BRWD1: variants seen among roughly 807,000 people sequenced by gnomAD.
The protein encoded by BRWD1 is bromodomain and WD repeat-containing protein 1.
BRWD1 carries 82 observed loss-of-function variants against 251.2 expected under a neutral mutation model. That is an observed-to-expected ratio of 0.33 (90% CI 0.27 to 0.39). The LOEUF (loss-of-function observed/expected upper bound fraction) is 0.39, where lower values mean the gene tolerates loss of function less well. Ranked by LOEUF, BRWD1 falls within the 10% of genes least tolerant of loss-of-function variation. The pLI is 1.00. For synonymous variants in BRWD1, 918 were observed against 902.8 expected (o/e 1.02, Z -0.30); for missense variants, 2,233 against 2,711.6 (o/e 0.82, Z 3.92).
At chr21:39,207,660 C>G (rs977924414) in intron 36 of BRWD1, among the ~76,000 whole-genome samples, 1 of 152,014 alleles carries the variant, frequency 6.6e-6, no homozygotes, top group East Asian at 1.9e-4. Context: ...AGGTCTATAC[C>G]CAAGGGAATT....
chr21:39,314,232 G>T (rs899566053), upstream of BRWD1: 3 of 455,508 alleles, frequency 6.6e-6, no homozygotes, highest in Non-Finnish European at 1.3e-5. Context: ...CCTGGGGCGG[G>T]GGCCTCGTAT....
chr21:39,185,315 A>AAAAAAAAAAAAC, downstream of BRWD1: 1 of 150,146 alleles, frequency 6.7e-6, no homozygotes, highest in Non-Finnish European at 1.5e-5. Flanking sequence ...AAAAAAAAAA[A>AAAAAAAAAAAAC]AAAAAAACTT....
At chr21:39,271,601 G>A (rs1471223877) in intron 13 of BRWD1, among the ~76,000 whole-genome samples, 1 of 149,186 alleles carries the variant, frequency 6.7e-6, no homozygotes, top group Non-Finnish European at 1.5e-5. Flanking sequence ...GGAGGCTGAG[G>A]TGGGAGGATA....
chr21:39,314,302 A>G (rs778299463), upstream of BRWD1: 14 of 455,762 alleles, frequency 3.1e-5, no homozygotes, highest in Admixed American at 7.1e-5. Flanking sequence ...CACATCCCCC[A>G]CAAGCCAGCA....
intron 13 of BRWD1, among the ~76,000 whole-genome samples, chr21:39,272,968 C>T (rs922630984): frequency 6.6e-5 from 10 of 152,100 alleles, no homozygotes; most frequent in African/African-American, 1.4e-4. Flanking sequence ...CAAGTTGATT[C>T]GCCAATATTA....
At chr21:39,249,025 C>A (rs2034302766) in intron 20 of BRWD1, among the ~76,000 whole-genome samples, 1 of 151,406 alleles carries the variant, frequency 6.6e-6, no homozygotes, top group East Asian at 1.9e-4. Flanking sequence ...TGGAATACTA[C>A]CCAGCCATAA....
chr21:39,211,736 ATAAAAT>A (rs1349088031), intron 34 of BRWD1, among the ~76,000 whole-genome samples: 3 of 152,234 alleles, frequency 2.0e-5, no homozygotes, highest in South Asian at 2.1e-4. Context: ...GAGTCTAGAA[ATAAAAT>A]TAAACGAAAA....
chr21:39,259,484 G>A (rs1032479534), intron 17 of BRWD1, among the ~76,000 whole-genome samples: 1 of 151,864 alleles, frequency 6.6e-6, no homozygotes, highest in Non-Finnish European at 1.5e-5. Flanking sequence ...TTTTTCAGTA[G>A]AGACAGGGTT....
At position 39,189,197 on chromosome 21, in the gene BRWD1, A is replaced by G. The variant is rs906404355; in HGVS notation, c.*7062T>C. 1.0e-6 allele frequency: 1 copy of G among 985,280 alleles called. No homozygotes were observed. Among genetic ancestry groups the G allele is most frequent in the African/African-American group, 1.7e-5 (1 of 57,372 alleles). 61.0% of individuals were successfully genotyped at this position (985,280 alleles called of 1,614,324 possible). ...AATTAAGGTGAAATTTGCACTTTAT[A>G]GTAGGATGAGAATATACTATTATCA... is the stretch of plus-strand genomic sequence containing the variant. On this transcript the variant is annotated 3_prime_UTR_variant, in exon 41 of 41. Transcript: ENST00000342449.
chr21:39,246,366 C>G (rs779984322), intron 21 of BRWD1, among the ~76,000 whole-genome samples: 9 of 152,154 alleles, frequency 5.9e-5, no homozygotes, highest in Non-Finnish European at 1.3e-4. Context: ...TAATAACAAT[C>G]ATTGGTGAGG....
rs1022187015 is a variant in BRWD1 at position 39,258,500 on chromosome 21, T to G, written c.2058A>C (p.Glu686Asp). Residue 686 changes from glutamate (E) to aspartate (D), a missense_variant, in exon 18 of 41, where the codon GAA becomes GAC. Coordinates refer to ENST00000342449, the MANE Select transcript of BRWD1 (RefSeq NM_033656.4). ...ACTATTTATTACCTCTCCGGGGTGT[T>G]TCTTCACCATTTGAAAGTCCTCTTG... ...TIPRGLSNGE[E>D]TPRRGFRRLS... 1.9e-6 allele frequency: 3 copies of G among 1,598,882 alleles called. No homozygotes were observed. The highest frequency in any genetic ancestry group is 2.6e-6 in the Non-Finnish European group (3 of 1,173,024).
At chr21:39,290,181 T>C (rs1601472540) in intron 8 of BRWD1, among the ~76,000 whole-genome samples, 1 of 152,132 alleles carries the variant, frequency 6.6e-6, no homozygotes, top group East Asian at 1.9e-4. Flanking sequence ...TCAGTTGTGT[T>C]CAGATGCTGT....
chr21:39,316,081 A>G (rs1175547102), upstream of BRWD1, among the ~76,000 whole-genome samples: 3 of 152,234 alleles, frequency 2.0e-5, no homozygotes. Context: ...AAAGATTCTA[A>G]GCCAGGAAGG....
At chr21:39,270,171 T>C in intron 14 of BRWD1, 112 bp downstream of exon 14, 2 of 1,217,792 alleles carry the variant, frequency 1.6e-6, no homozygotes. Context: ...TCTAATCATT[T>C]CATAGTTTAC....
intron 22 of BRWD1, among the ~76,000 whole-genome samples, 162 bp downstream of exon 22, chr21:39,238,317 T>A (rs959237174): frequency 4.7e-5 from 7 of 148,616 alleles, no homozygotes; most frequent in Admixed American, 2.7e-4. Context: ...CCTGAAATAC[T>A]CCTATAGGAA....
At chr21:39,249,392 T>A (rs899279376) in intron 20 of BRWD1, among the ~76,000 whole-genome samples, 1 of 152,220 alleles carries the variant, frequency 6.6e-6, no homozygotes, top group African/African-American at 2.4e-5. Context: ...TGTAAGTATG[T>A]GTATTTTCAG....
chr21:39,261,017 G>A (rs567811401), intron 17 of BRWD1, among the ~76,000 whole-genome samples: 1 of 152,232 alleles, frequency 6.6e-6, no homozygotes, highest in East Asian at 1.9e-4. Context: ...CTGAGGTCAG[G>A]AGTTCGAGAC....
chr21:39,190,685 A>C lies in BRWD1; in HGVS notation c.*5574T>G. ...CATCCCTCCCAAAGCAGAAGTTTCC[A>C]AAAACATCCCATAAACTGAAGTACC... On this transcript the variant is annotated 3_prime_UTR_variant, in exon 41 of 41. Coordinates refer to ENST00000342449, the MANE Select transcript of BRWD1 (RefSeq NM_033656.4). 1 of 985,404 alleles carries C rather than the reference A, an allele frequency of 1.0e-6. No homozygotes were observed. The highest frequency in any genetic ancestry group is 1.2e-6 in the Non-Finnish European group (1 of 829,906). The allele number at this position is 985,404 out of a possible 1,614,324, so 61.0% of individuals were successfully genotyped here.
In BRWD1 at chr21:39,284,812, A is replaced by G. The variant is rs144820055; in HGVS notation, c.832-4564T>C. On this transcript the variant is annotated intron_variant, in intron 8 of 40. Coordinates refer to ENST00000342449, the MANE Select transcript of BRWD1 (RefSeq NM_033656.4). The stretch of plus-strand genomic sequence containing the variant: ...GTTGAGTTCCTTATATGTTCTGGAT[A>G]TTAACTCTTTGTCAGATGCATAAAG... Among the ~76,000 whole-genome samples the G allele has an allele frequency of 5.9e-5, 9 of 152,252 alleles. No homozygotes were observed. In the East Asian group the frequency reaches 1.5e-3, roughly 26 times the overall value.
Sources: gnomAD v4.1 joint callset for allele counts (sites outside exome capture counted in the v4.1 genomes callset) on GRCh38, gnomAD v4.1.1 for gene constraint, MANE v1.5 for transcripts, NCBI Gene and HGNC (gene_info 2026-07-23, HGNC 2026-07-21) for gene names.